Variants in PPP1R9A observed in about 807,000 individuals in gnomAD.
PPP1R9A encodes protein phosphatase 1 regulatory subunit 9A.
In PPP1R9A, 59 loss-of-function variants were observed where a neutral mutation model predicts 141.9. The observed-to-expected ratio is 0.42, with a 90% CI of 0.34 to 0.52. The LOEUF (loss-of-function observed/expected upper bound fraction) is 0.52, where lower values mean the gene tolerates loss of function less well. Among genes scored for constraint, PPP1R9A ranks in the 20% least tolerant of loss-of-function variants. The probability of loss-of-function intolerance (pLI) is 0.10; values close to 1 mark genes in which losing one functional copy is unlikely to be tolerated. For missense variants in PPP1R9A, 1,444 were observed against 1,611.9 expected, an observed-to-expected ratio of 0.90 and a Z score of 1.78; for synonymous variants, 500 against 569.7, an observed-to-expected ratio of 0.88 and a Z score of 1.74.
At chr7:95,286,981 A>G in intron 18 of PPP1R9A, 1 of 956,168 alleles carries the variant, frequency 1.0e-6, no homozygotes, top group Non-Finnish European at 1.5e-6. Flanking sequence ...TTTTTCTTGT[A>G]AGCTTTTCTG....
At chr7:95,263,008 TG>T (rs1242538009) in intron 12 of PPP1R9A, among the ~76,000 whole-genome samples, 2 of 152,120 alleles carry the variant, frequency 1.3e-5, no homozygotes, top group East Asian at 3.9e-4. Flanking sequence ...CCAAATTATC[TG>T]GCAGTTAGTA....
chr7:94,910,475 CTGAACGAA>C lies in PPP1R9A; in HGVS notation c.364_371del (p.Glu122Ter). 6.2e-7 allele frequency: 1 copy of C among 1,614,160 alleles called. No individual in the cohort carries two copies. The highest frequency in any genetic ancestry group is 8.5e-7 in the Non-Finnish European group (1 of 1,180,016). On this transcript the variant is annotated frameshift_variant, in exon 2 of 20. Coordinates refer to ENST00000433360, the MANE Select transcript of PPP1R9A (RefSeq NM_001166160.2). LOFTEE classifies it high-confidence loss of function. This position sits in a 1 kb window ranked among gnomAD's most constrained non-coding sequence, Gnocchi z 4.5. ...GTTGTTAAGTTGGAGTCTTCTGTTT[CTGAACGAA>C]TTAGTAGATTTGACACTATGTACGA... is the stretch of plus-strand genomic sequence containing the variant.
At chr7:95,185,076 T>A (rs1464734743) in intron 5 of PPP1R9A, among the ~76,000 whole-genome samples, 9 of 151,832 alleles carry the variant, frequency 5.9e-5, no homozygotes, top group African/African-American at 1.9e-4. Context: ...AGTTTTAGGG[T>A]ACATGTGCAC....
At chr7:94,944,863 AATG>A (rs1322243395) in intron 2 of PPP1R9A, among the ~76,000 whole-genome samples, 1 of 152,072 alleles carries the variant, frequency 6.6e-6, no homozygotes, top group East Asian at 1.9e-4. Flanking sequence ...ATTAAAAAAA[AATG>A]AAATTCTTAA....
At chr7:94,986,539 A>G (rs1007466222) in intron 2 of PPP1R9A, among the ~76,000 whole-genome samples, 4 of 152,212 alleles carry the variant, frequency 2.6e-5, no homozygotes, top group Admixed American at 2.0e-4. Context: ...AATAAATTCC[A>G]GTGTTGTACA....
chr7:94,936,991 T>C lies in PPP1R9A; in HGVS notation c.1395+25483T>C, dbSNP rs527819404. Among the ~76,000 whole-genome samples the C allele has an allele frequency of 4.6e-5, 7 of 152,278 alleles. No homozygotes were observed. In the East Asian group the frequency reaches 1.3e-3, roughly 29 times the overall value. The stretch of plus-strand genomic sequence containing the variant: ...CTCTGGCTTTTTTCAATTGGTAGTA[T>C]GACAGTTGACAGGCATGTAAGACCA... On this transcript the variant is annotated intron_variant, in intron 2 of 19. Transcript: ENST00000433360.
In PPP1R9A at chr7:95,111,250, TTAC is replaced by T; in HGVS notation, c.1396-5_1396-3del. On this transcript the variant is annotated splice_polypyrimidine_tract_variant and splice_region_variant and intron_variant, in intron 2 of 19. Coordinates refer to ENST00000433360, the MANE Select transcript of PPP1R9A (RefSeq NM_001166160.2). ...TCTGTATTATCATCTTGTTGGCCTC[TTAC>T]TACAGGTTTTCAACACATACTCCAA... The T allele has an allele frequency of 1.9e-6, 3 of 1,592,158 alleles. No individual in the cohort carries two copies. The African/African-American group carries it at 4.1e-5, about 22-fold the overall frequency.
At chr7:94,917,062 C>T (rs575351575) in intron 2 of PPP1R9A, among the ~76,000 whole-genome samples, 29 of 152,234 alleles carry the variant, frequency 1.9e-4, no homozygotes, top group African/African-American at 4.1e-4. Context: ...GTGATCTGAC[C>T]GCGTTGGCCT....
chr7:95,050,409 G>T (rs115903513), intron 2 of PPP1R9A, among the ~76,000 whole-genome samples: 3,096 of 152,240 alleles, frequency 0.02, 104 homozygotes, highest in African/African-American at 0.07. Flanking sequence ...TCTGAAGGAT[G>T]TGTTGCCATC....
intron 2 of PPP1R9A, among the ~76,000 whole-genome samples, chr7:94,931,656 G>A (rs1472191561): frequency 3.3e-5 from 5 of 152,052 alleles, no homozygotes; most frequent in African/African-American, 9.7e-5. Context: ...TCGGCTCACC[G>A]CAACCTCCAC....
At chr7:95,249,501 A>G (rs73222002) in intron 9 of PPP1R9A, among the ~76,000 whole-genome samples, 18,258 of 152,066 alleles carry the variant, frequency 0.12, 1,217 homozygotes, top group East Asian at 0.16. Context: ...CTTCAATTAC[A>G]TGTCCAAGGT....
intron 5 of PPP1R9A, among the ~76,000 whole-genome samples, chr7:95,176,791 C>T (rs1391369088): frequency 2.0e-5 from 3 of 151,922 alleles, no homozygotes; most frequent in South Asian, 2.1e-4. Context: ...ATAAGATCTT[C>T]GAATTAACCC....
intron 4 of PPP1R9A, among the ~76,000 whole-genome samples, chr7:95,134,776 G>A (rs574139784): frequency 8.3e-4 from 126 of 152,198 alleles, no homozygotes; most frequent in African/African-American, 2.8e-3. Context: ...ATTTGTGAGT[G>A]GAATGATTCC....
intron 12 of PPP1R9A, among the ~76,000 whole-genome samples, chr7:95,264,057 A>C (rs1800867549): frequency 6.6e-6 from 1 of 152,204 alleles, no homozygotes; most frequent in Non-Finnish European, 1.5e-5. Flanking sequence ...AATTCTATTC[A>C]AGGAACAACT....
intron 2 of PPP1R9A, among the ~76,000 whole-genome samples, chr7:94,925,637 AGTTT>A (rs1486076078): frequency 6.6e-6 from 1 of 152,040 alleles, no homozygotes; most frequent in Non-Finnish European, 1.5e-5. Flanking sequence ...CTTTTAAGAA[AGTTT>A]GTTTAAATTT....
chr7:95,233,778 A>C (rs1796302400), intron 8 of PPP1R9A, among the ~76,000 whole-genome samples: 1 of 152,202 alleles, frequency 6.6e-6, no homozygotes, highest in Non-Finnish European at 1.5e-5. Context: ...AGAAATTCTC[A>C]ACAAATTACT....
intron 2 of PPP1R9A, among the ~76,000 whole-genome samples, chr7:95,102,219 TG>T (rs1242190600): frequency 6.6e-6 from 1 of 152,198 alleles, no homozygotes; most frequent in African/African-American, 2.4e-5. Context: ...GATAGAAATA[TG>T]GGTCCCAGAT....
chr7:95,140,066 A>G (rs1294743705), intron 4 of PPP1R9A, among the ~76,000 whole-genome samples: 1 of 152,224 alleles, frequency 6.6e-6, no homozygotes, highest in African/African-American at 2.4e-5. Flanking sequence ...GAGTAGCTCA[A>G]AGTGAACCCA....
Position 95,198,387 on chromosome 7 carries a change from A to G in PPP1R9A, c.1793A>G (p.Glu598Gly), listed in dbSNP as rs1836602829. 6.2e-7 allele frequency: 1 copy of G among 1,613,046 alleles called. No individual in the cohort carries two copies. The highest frequency in any genetic ancestry group is 8.5e-7 in the Non-Finnish European group (1 of 1,179,606). Reference sequence around the variant, plus strand: ...CGGGAAAAACCAGGACAAGTGAGCGAGGTTGCCCAGTTGATAAGCCAGACA... The same window carrying G: ...CGGGAAAAACCAGGACAAGTGAGCGGGGTTGCCCAGTTGATAAGCCAGACA... ...IGREKPGQVS[E>G]VAQLISQTLE... is the part of the protein sequence containing the mutation. Residue 598 changes from glutamate to glycine, a missense_variant, in exon 6 of 20, where the codon GAG becomes GGG. Around this residue, in one of 5 missense-constraint regions of PPP1R9A, gnomAD observed 488 missense variants for 542.0 expected, o/e 0.90. Coordinates refer to ENST00000433360, the MANE Select transcript of PPP1R9A (RefSeq NM_001166160.2).
Sources: allele counts gnomAD v4.1 joint callset (sites outside exome capture counted in the v4.1 genomes callset), GRCh38; gene constraint gnomAD v4.1.1; regional missense constraint gnomAD v4.1.1; non-coding constraint Gnocchi (gnomAD v3.1); transcripts MANE v1.5; gene names NCBI Gene and HGNC (gene_info 2026-07-23, HGNC 2026-07-21).